Variants in KIAA0319L observed in about 807,000 individuals in gnomAD.
The protein encoded by KIAA0319L is KIAA0319 like.
Under a neutral mutation model 120.1 loss-of-function variants are expected in KIAA0319L, and 55 were observed. That is an observed-to-expected ratio of 0.46 (90% CI 0.37 to 0.57). KIAA0319L has a LOEUF of 0.57. KIAA0319L is among the 20% of genes least tolerant of loss of function. KIAA0319L has a pLI of 0.00. For synonymous variants in KIAA0319L, 398 were observed against 471.9 expected, an observed-to-expected ratio of 0.84 and a Z score of 2.03; for missense variants, 1,049 against 1,255.3, an observed-to-expected ratio of 0.84 and a Z score of 2.48.
chr1:35,482,918 GGAAATCTTTTTAATTTTAGCCATTCGA>G (rs1644233340), intron 3 of KIAA0319L, among the ~76,000 whole-genome samples: 1 of 152,144 alleles, frequency 6.6e-6, no homozygotes, highest in Non-Finnish European at 1.5e-5. Flanking sequence ...AATTTGGTGT[GGAAATCTTTTTAATTTTAGCCATTCGA>G]GGTATGTAGT....
chr1:35,514,373 AAAAC>A (rs1156318889), intron 2 of KIAA0319L, among the ~76,000 whole-genome samples: 2 of 151,828 alleles, frequency 1.3e-5, no homozygotes, highest in Admixed American at 6.6e-5. Flanking sequence ...TTAAAAAAAA[AAAAC>A]AAAACTTACA....
At position 35,488,100 on chromosome 1, in the gene KIAA0319L, C is replaced by T. The variant is rs542967174; in HGVS notation, c.667-8888G>A. Among the ~76,000 whole-genome samples, 4 of 152,316 alleles carry T rather than the reference C, an allele frequency of 2.6e-5. No individual in the cohort carries two copies. The East Asian group carries it at 7.7e-4, about 29-fold the overall frequency. The stretch of plus-strand genomic sequence containing the variant: ...TGCTGTGGGAGTTGTTGAATGCCCT[C>T]AGGAAAAAATTTTTTTAAGCTGCAA... On this transcript the variant is annotated intron_variant, in intron 3 of 20. Transcript: ENST00000325722.
chr1:35,493,478 C>T (rs556206460), intron 3 of KIAA0319L, among the ~76,000 whole-genome samples: 1 of 152,022 alleles, frequency 6.6e-6, no homozygotes, highest in South Asian at 2.1e-4. Context: ...ACAGATCTTG[C>T]ACATTTTTAG....
At chr1:35,512,915 A>G (rs1645516031) in intron 2 of KIAA0319L, among the ~76,000 whole-genome samples, 1 of 150,758 alleles carries the variant, frequency 6.6e-6, no homozygotes, top group Admixed American at 6.6e-5. Context: ...GGATATTACT[A>G]CAGATTCAAT....
intron 1 of KIAA0319L, 187 bp from the exon 2 acceptor site, chr1:35,554,706 A>AC (rs1428826805): frequency 4.8e-6 from 2 of 415,452 alleles, no homozygotes; most frequent in Non-Finnish European, 8.5e-6. Context: ...CAGAATAACA[A>AC]CACAGCAAGG....
chr1:35,466,002 G>T (rs764526590), intron 7 of KIAA0319L, among the ~76,000 whole-genome samples: 14 of 152,058 alleles, frequency 9.2e-5, no homozygotes, highest in Non-Finnish European at 1.5e-5. Context: ...TTTGTAAATT[G>T]CCCAGTCTCA....
Position 35,453,448 on chromosome 1 carries a change from C to A in KIAA0319L, c.1913+109G>T. The A allele has an allele frequency of 1.1e-6, 1 of 909,914 alleles. No homozygotes were observed. The highest frequency in any genetic ancestry group is 1.8e-5 in the South Asian group (1 of 55,418). 56.4% of individuals were successfully genotyped at this position (909,914 alleles called of 1,614,324 possible). A position where few individuals can be genotyped will look rare whatever the true frequency, so the allele number is the denominator to read the frequency against. On this transcript the variant is annotated intron_variant, in intron 12 of 20. Transcript: ENST00000325722. The surrounding 1 kb of genome is among the most constrained non-coding windows in gnomAD (Gnocchi z 4.1). Reference sequence around the variant, plus strand: ...TTGCAAACATTTCTTCCTCAGTCACCCCACTGGATAAGCCAATAAGAGCAA... The same window carrying A: ...TTGCAAACATTTCTTCCTCAGTCACACCACTGGATAAGCCAATAAGAGCAA...
chr1:35,471,096 A>G, intron 5 of KIAA0319L, 136 bp from the exon 6 acceptor site: 2 of 635,846 alleles, frequency 3.1e-6, no homozygotes, highest in Non-Finnish European at 5.7e-6. Context: ...CAAAGCCTGT[A>G]GGGAAACCAA....
intron 16 of KIAA0319L, 25 bp downstream of exon 16, chr1:35,448,148 C>T: frequency 6.4e-7 from 1 of 1,554,998 alleles, no homozygotes; most frequent in Non-Finnish European, 8.7e-7. Flanking sequence ...CTTTCCTTTG[C>T]TCCCCCCATT....
At chr1:35,443,310 A>G (rs971880251) in intron 17 of KIAA0319L, 26 of 355,970 alleles carry the variant, frequency 7.3e-5, no homozygotes, top group African/African-American at 4.7e-4. Context: ...CCTTCTCACA[A>G]TTGGAAAAAT....
At chr1:35,479,970 A>AG (rs1263159018) in intron 3 of KIAA0319L, among the ~76,000 whole-genome samples, 1 of 149,460 alleles carries the variant, frequency 6.7e-6, no homozygotes, top group Non-Finnish European at 1.5e-5. Flanking sequence ...AAAAAAAAAA[A>AG]AACACAAGCT....
intron 2 of KIAA0319L, among the ~76,000 whole-genome samples, chr1:35,527,924 T>C (rs1646216018): frequency 6.6e-6 from 1 of 152,132 alleles, no homozygotes; most frequent in Admixed American, 6.5e-5. Flanking sequence ...ATTTTGGGTT[T>C]GGTTTGTCCT....
At chr1:35,514,779 C>T (rs1426312063) in intron 2 of KIAA0319L, among the ~76,000 whole-genome samples, 1 of 152,180 alleles carries the variant, frequency 6.6e-6, no homozygotes, top group Non-Finnish European at 1.5e-5. Context: ...TGGACTCCCA[C>T]ACAATAACAG....
intron 2 of KIAA0319L, among the ~76,000 whole-genome samples, chr1:35,507,389 T>C (rs528432172): frequency 1.3e-5 from 2 of 152,226 alleles, no homozygotes; most frequent in South Asian, 2.1e-4. Flanking sequence ...TGGAGACCTT[T>C]TACACAGAAT....
intron 2 of KIAA0319L, among the ~76,000 whole-genome samples, chr1:35,528,661 T>C (rs1162271953): frequency 1.3e-5 from 2 of 152,218 alleles, no homozygotes; most frequent in Non-Finnish European, 2.9e-5. Context: ...CCAGTGTTTT[T>C]TGTTGATTTT....
intron 20 of KIAA0319L, chr1:35,440,566 T>C (rs1400781238): frequency 6.4e-6 from 1 of 156,056 alleles, no homozygotes; most frequent in African/African-American, 2.4e-5. Context: ...TGCCCTCCTA[T>C]CTGCCCTAAG....
chr1:35,453,768 G>A lies in KIAA0319L; in HGVS notation c.1781-79C>T. 2 of 1,426,360 alleles carry A rather than the reference G, an allele frequency of 1.4e-6. No homozygotes were observed. The highest frequency in any genetic ancestry group is 2.2e-5 in the Admixed American group (1 of 44,618). 88.4% of individuals were successfully genotyped at this position (1,426,360 alleles called of 1,614,324 possible). On this transcript the variant is annotated intron_variant, in intron 11 of 20. Coordinates refer to ENST00000325722, the MANE Select transcript of KIAA0319L (RefSeq NM_024874.5). This position sits in a 1 kb window ranked among gnomAD's most constrained non-coding sequence, Gnocchi z 4.1. The stretch of plus-strand genomic sequence containing the variant: ...AGGAACCAATTGGGACACATGTTCT[G>A]GAAGCCATGGACTCTGCCTCTCAGG...
intron 15 of KIAA0319L, among the ~76,000 whole-genome samples, chr1:35,449,555 G>T (rs1015244955): frequency 6.6e-6 from 1 of 152,178 alleles, no homozygotes; most frequent in African/African-American, 2.4e-5. Flanking sequence ...GAGGAGAGGA[G>T]AAAGTGCTGG....
chr1:35,521,938 A>C (rs1224324393), intron 2 of KIAA0319L, among the ~76,000 whole-genome samples: 1 of 152,062 alleles, frequency 6.6e-6, no homozygotes, highest in Non-Finnish European at 1.5e-5. Flanking sequence ...ACACCACTGC[A>C]CTCCAACCTG....
Sources: allele counts gnomAD v4.1 joint callset (sites outside exome capture counted in the v4.1 genomes callset), GRCh38; gene constraint gnomAD v4.1.1; non-coding constraint Gnocchi (gnomAD v3.1); transcripts MANE v1.5; gene names NCBI Gene and HGNC (gene_info 2026-07-23, HGNC 2026-07-21).